The following RASGRP1 variants were observed in gnomAD, a reference collection of about 807,000 sequenced individuals.
RASGRP1 encodes RAS guanyl releasing protein 1, also known as RAS guanyl-releasing protein 1.
A neutral mutation model predicts 95.1 loss-of-function variants in RASGRP1; 37 were observed. The ratio of observed to expected loss-of-function variants is 0.39; its 90% confidence interval spans 0.30 to 0.51. The LOEUF (loss-of-function observed/expected upper bound fraction) is 0.51, where lower values mean the gene tolerates loss of function less well. RASGRP1 is among the 20% of genes least tolerant of loss of function. The pLI is 0.80. For missense variants in RASGRP1, 711 were observed against 965.4 expected (o/e 0.74, Z 3.49); for synonymous variants, 325 against 353.4 (o/e 0.92, Z 0.90).
intron 2 of RASGRP1, among the ~76,000 whole-genome samples, chr15:38,538,081 T>C (rs1250144311): frequency 6.6e-6 from 1 of 152,078 alleles, no homozygotes; most frequent in East Asian, 1.9e-4. Flanking sequence ...CTAGCCAACA[T>C]GACAAAACCT....
At chr15:38,512,996 A>T (rs773546217) in intron 6 of RASGRP1, 40 bp from the exon 7 acceptor site, 2 of 1,444,556 alleles carry the variant, frequency 1.4e-6, no homozygotes, top group Admixed American at 2.9e-5. Flanking sequence ...AAAACCTATC[A>T]GTACTGTACT....
chr15:38,514,628 G>C (rs1451966382), intron 6 of RASGRP1, among the ~76,000 whole-genome samples: 1 of 152,152 alleles, frequency 6.6e-6, no homozygotes, highest in Non-Finnish European at 1.5e-5. Context: ...AAAAAACCCT[G>C]AGATAGTCTT....
At chr15:38,546,190 A>G (rs1298268787) in intron 2 of RASGRP1, among the ~76,000 whole-genome samples, 1 of 152,150 alleles carries the variant, frequency 6.6e-6, no homozygotes, top group East Asian at 1.9e-4. Context: ...GAATTTTAAT[A>G]ACATTTTACA....
intron 8 of RASGRP1, among the ~76,000 whole-genome samples, chr15:38,510,778 AG>A (rs755354757): frequency 4.4e-4 from 67 of 152,176 alleles, no homozygotes; most frequent in Non-Finnish European, 8.2e-4. Context: ...TGGACAACAT[AG>A]GGAGACCCTT....
intron 2 of RASGRP1, among the ~76,000 whole-genome samples, chr15:38,557,415 C>G (rs773754892): frequency 2.6e-4 from 39 of 152,310 alleles, no homozygotes; most frequent in Admixed American, 1.9e-3. Flanking sequence ...ACACAAAACC[C>G]TGAGATCTTA....
chr15:38,518,097 G>A (rs1891857800), intron 5 of RASGRP1, among the ~76,000 whole-genome samples, 195 bp downstream of exon 5: 1 of 152,076 alleles, frequency 6.6e-6, no homozygotes, highest in African/African-American at 2.4e-5. Context: ...ATCACCATGA[G>A]GCCTCTCTGC....
intron 13 of RASGRP1, 135 bp from the exon 14 acceptor site, chr15:38,500,274 C>G: frequency 1.2e-6 from 1 of 809,604 alleles, no homozygotes; most frequent in Admixed American, 2.0e-5. Context: ...TCTCTCATGT[C>G]TTGTCCCTTC....
chr15:38,542,847 A>G (rs866106507), intron 2 of RASGRP1, among the ~76,000 whole-genome samples: 16 of 119,446 alleles, frequency 1.3e-4, no homozygotes, highest in African/African-American at 4.0e-4. Context: ...ATATATATAT[A>G]TGTGTATATA....
chr15:38,505,983 G>A, intron 9 of RASGRP1, 63 bp from the exon 10 acceptor site: 1 of 1,315,722 alleles, frequency 7.6e-7, no homozygotes, highest in Non-Finnish European at 1.1e-6. Flanking sequence ...CACAGCTGAT[G>A]GTTCTTTCTT....
In RASGRP1 at chr15:38,518,443, A is replaced by C. The variant is rs1481336045; in HGVS notation, c.390-20T>G. On this transcript the variant is annotated intron_variant, in intron 4 of 16. Coordinates refer to ENST00000310803, the MANE Select transcript of RASGRP1 (RefSeq NM_005739.4). ...CAATACCTACAAGGAGGGGGTTAAAAAACACAATCCAAAACTGATACCAAG... is the reference window on the plus strand; with the variant it reads ...CAATACCTACAAGGAGGGGGTTAAACAACACAATCCAAAACTGATACCAAG... 6.3e-7 allele frequency: 1 copy of C among 1,591,046 alleles called. No individual in the cohort carries two copies. Among genetic ancestry groups the C allele is most frequent in the Non-Finnish European group, 8.6e-7 (1 of 1,167,896 alleles).
chr15:38,536,822 A>C (rs1470941428), intron 2 of RASGRP1, among the ~76,000 whole-genome samples: 2 of 152,250 alleles, frequency 1.3e-5, no homozygotes, highest in Admixed American at 1.3e-4. Context: ...GTACAAAAAA[A>C]CATCACATCA....
At position 38,495,221 on chromosome 15, in the gene RASGRP1, T is replaced by G. The variant is rs189473661; in HGVS notation, c.1874-454A>C. ...GGTAAGTACTCTCTGGGAACCCGTT[T>G]GTACAGTGGGCACAGCTTAACCATG... is the stretch of plus-strand genomic sequence containing the variant. On this transcript the variant is annotated intron_variant, in intron 15 of 16. Transcript: ENST00000310803. 1.1e-4 allele frequency among the ~76,000 whole-genome samples: 17 copies of G among 152,364 alleles called. No individual in the cohort carries two copies. The East Asian group carries it at 2.3e-3, about 21-fold the overall frequency.
chr15:38,499,035 T>C, intron 14 of RASGRP1, 89 bp from the exon 15 acceptor site: 1 of 1,496,968 alleles, frequency 6.7e-7, no homozygotes, highest in Non-Finnish European at 9.3e-7. Context: ...AGTGCTTTCT[T>C]GTCACACATG....
chr15:38,494,533 A>G lies in RASGRP1; in HGVS notation c.2108T>C (p.Leu703Pro). ...AGAGGTGGGACTGGGAAGCACATAT[A>G]GAGTATCCTGGGCTGTCTTCCTTGG... is the stretch of plus-strand genomic sequence containing the variant. ...SSPRKTAQDT[L>P]YVLPSPTSPC... The change falls in exon 16 of 17, where the codon CTA becomes CCA. Residue 703 changes from leucine (L) to proline (P), a missense_variant. Leu to Pro is a moderately conservative substitution (Grantham distance 98). Coordinates refer to ENST00000310803, the MANE Select transcript of RASGRP1 (RefSeq NM_005739.4). 6.3e-7 allele frequency: 1 copy of G among 1,594,022 alleles called. No individual in the cohort carries two copies.
At chr15:38,516,132 G>C in intron 6 of RASGRP1, 65 bp downstream of exon 6, 4 of 1,505,894 alleles carry the variant, frequency 2.7e-6, no homozygotes, top group South Asian at 2.3e-5. Context: ...ATGGGCTGTT[G>C]AATTATCATC....
At chr15:38,503,457 A>G in intron 10 of RASGRP1, 81 bp from the exon 11 acceptor site, 1 of 1,067,810 alleles carries the variant, frequency 9.4e-7, no homozygotes, top group Non-Finnish European at 1.4e-6. Context: ...CCACTACCTG[A>G]CGGTTACATT....
rs369533261 is a variant in RASGRP1, at chr15:38,494,549, T to C, written c.2092A>G (p.Thr698Ala). Residue 698 changes from threonine (T) to alanine (A), a missense_variant, in exon 16 of 17, where the codon ACA becomes GCA. By Grantham distance (58) the Thr-to-Ala change is moderately conservative. This residue lies in a region of RASGRP1 where 212 missense variants were observed against 247.8 expected (regional missense o/e 0.86). Transcript: ENST00000310803. ...GPFVLSSPRK[T>A]AQDTLYVLPS... ...AGCACATATAGAGTATCCTGGGCTG[T>C]CTTCCTTGGGGAAGACAGCACAAAG... 17 of 1,584,550 alleles carry C rather than the reference T, an allele frequency of 1.1e-5. No homozygotes were observed. The highest frequency in any genetic ancestry group is 1.5e-5 in the Non-Finnish European group (17 of 1,164,810).
rs1352376260 is a variant in RASGRP1, at chr15:38,506,005, G to A, written c.1243-85C>T. 5.4e-6 allele frequency: 6 copies of A among 1,118,834 alleles called. No homozygotes were observed. In the East Asian group the frequency reaches 1.5e-4, roughly 29 times the overall value. The allele number at this position is 1,118,834 out of a possible 1,614,324, so 69.3% of individuals were successfully genotyped here. On this transcript the variant is annotated intron_variant, in intron 9 of 16. Transcript: ENST00000310803. ...GATGGTTCTTTCTTGGATTTTCCTT[G>A]CCAGTAGTTTACTCTTTTAGGTTCT...
chr15:38,523,155 TACTAAC>T lies in RASGRP1; in HGVS notation c.326+3138_326+3143del, dbSNP rs1335526134. 2.0e-5 allele frequency among the ~76,000 whole-genome samples: 3 copies of T among 152,272 alleles called. No homozygotes were observed. In the East Asian group the frequency reaches 5.8e-4, roughly 29 times the overall value. On this transcript the variant is annotated intron_variant, in intron 3 of 16. Transcript: ENST00000310803. ...TGTTACTGGTTTAGGCAAGAATAGA[TACTAAC>T]ACTATTAACTGAAATTGACCATGAA...
Sources: allele counts gnomAD v4.1 joint callset (sites outside exome capture counted in the v4.1 genomes callset), GRCh38; gene constraint gnomAD v4.1.1; regional missense constraint gnomAD v4.1.1; transcripts MANE v1.5; gene names NCBI Gene and HGNC (gene_info 2026-07-23, HGNC 2026-07-21).